Variants in TWIST2 observed in about 807,000 individuals in gnomAD.
The protein encoded by TWIST2 is twist family bHLH transcription factor 2.
TWIST2 carries 1 observed loss-of-function variant against 11.6 expected under a neutral mutation model. The ratio of observed to expected loss-of-function variants is 0.09; its 90% CI spans 0.03 to 0.41. TWIST2 has a LOEUF of 0.41. Among genes scored for constraint, TWIST2 ranks in the 10% least tolerant of loss-of-function variants. TWIST2 has a pLI of 0.98. For missense variants in TWIST2, 168 were observed against 226.4 expected (o/e 0.74, Z 1.66); for synonymous variants, 87 against 96.6 (o/e 0.90, Z 0.58).
chr2:238,896,956 G>A (rs1693214498), intron 1 of TWIST2, among the ~76,000 whole-genome samples: 7 of 152,340 alleles, frequency 4.6e-5, no homozygotes, highest in Non-Finnish European at 5.9e-5. Flanking sequence ...ACCCCAGGGG[G>A]AGGGAGGCGC....
At chr2:238,888,921 A>C (rs34986438) in intron 1 of TWIST2, among the ~76,000 whole-genome samples, 1 of 152,182 alleles carries the variant, frequency 6.6e-6, no homozygotes, top group Admixed American at 6.5e-5. Flanking sequence ...TGACTGTCCA[A>C]TGACTGTCCA....
intron 1 of TWIST2, among the ~76,000 whole-genome samples, chr2:238,869,326 C>A (rs184597315): frequency 1.3e-3 from 202 of 152,250 alleles, no homozygotes; most frequent in African/African-American, 4.4e-3. Context: ...ACTTCCAGGG[C>A]ACAGGCAAGG....
At chr2:238,872,149 C>G (rs906228897) in intron 1 of TWIST2, among the ~76,000 whole-genome samples, 9 of 152,154 alleles carry the variant, frequency 5.9e-5, no homozygotes, top group African/African-American at 1.9e-4. Flanking sequence ...CACAGTGGGT[C>G]CTGCCTGCCC....
At chr2:238,898,452 G>A (rs1030965084) in intron 1 of TWIST2, among the ~76,000 whole-genome samples, 11 of 152,242 alleles carry the variant, frequency 7.2e-5, no homozygotes, top group African/African-American at 2.7e-4. Context: ...CTGGTCCAGG[G>A]ACCAACTGGG....
At chr2:238,870,365 ACCACACACCCCACACACC>A (rs1559273970) in intron 1 of TWIST2, among the ~76,000 whole-genome samples, 33 of 222 alleles carry the variant, frequency 0.15, 2 homozygotes, top group African/African-American at 0.21. Context: ...CCACACACAC[ACCACACACCCCACACACC>A]CCACACACCC....
At chr2:238,881,005 C>T (rs1319964607) in intron 1 of TWIST2, among the ~76,000 whole-genome samples, 1 of 84,346 alleles carries the variant, frequency 1.2e-5, no homozygotes, top group Non-Finnish European at 2.3e-5. Context: ...TATTTATTAG[C>T]ATTAGTGTTA....
At chr2:238,870,419 AAACCACACACCC>A (rs1692648104) in intron 1 of TWIST2, among the ~76,000 whole-genome samples, 3 of 55,908 alleles carry the variant, frequency 5.4e-5, no homozygotes, top group African/African-American at 6.5e-5. Flanking sequence ...TACCACACAC[AAACCACACACCC>A]TACACACACC....
At chr2:238,907,502 G>A (rs1574770257) in intron 1 of TWIST2, among the ~76,000 whole-genome samples, 1 of 152,128 alleles carries the variant, frequency 6.6e-6, no homozygotes, top group African/African-American at 2.4e-5. Flanking sequence ...GGGACAGCTG[G>A]TTGCAGCCCC....
At chr2:238,855,980 C>T (rs909446345) in intron 1 of TWIST2, among the ~76,000 whole-genome samples, 3 of 152,180 alleles carry the variant, frequency 2.0e-5, no homozygotes, top group Admixed American at 6.5e-5. Flanking sequence ...GATATCTGTA[C>T]CCTAAGAATC....
rs912602437 is a variant in TWIST2, at chr2:238,853,823, C to T, written c.*35+5090C>T. ...AAAATAGAGTCATTTTGAACCCAAA[C>T]GGTATCTGACGTGCTTCAGATATCT... On this transcript the variant is annotated intron_variant, in intron 1 of 1. Transcript: ENST00000612363. Among the ~76,000 whole-genome samples, 6 of 152,186 alleles carry T rather than the reference C, an allele frequency of 3.9e-5. No individual in the cohort carries two copies. The South Asian group carries it at 1.0e-3, about 26-fold the overall frequency.
rs1311228966 is a variant in TWIST2, at chr2:238,863,857, A to G, written c.*35+15124A>G. 6.6e-6 allele frequency among the ~76,000 whole-genome samples: 1 copy of G among 152,092 alleles called. No homozygotes were observed. Among genetic ancestry groups the G allele is most frequent in the Admixed American group, 6.5e-5 (1 of 15,270 alleles). On this transcript the variant is annotated intron_variant, in intron 1 of 1. Coordinates refer to ENST00000612363, the MANE Select transcript of TWIST2 (RefSeq NM_001271893.4). This position sits in a 1 kb window ranked among gnomAD's most constrained non-coding sequence, Gnocchi z 4.7. ...CCCTGGCCTTGTATGATGAATGACA[A>G]ATGTGTGGGACTGAGGAGAGGTCGG...
At position 238,848,126 on chromosome 2, in the gene TWIST2, G is replaced by A. The variant is rs1486949018; in HGVS notation, c.-90G>A. On this transcript the variant is annotated 5_prime_UTR_variant, in exon 1 of 2. Transcript: ENST00000612363. ...AAATCAGAGCCTTTCCAGCAACTCCGAGAGCGTGTGCTCGGCGACCGCGGG... is the reference window on the plus strand; with the variant it reads ...AAATCAGAGCCTTTCCAGCAACTCCAAGAGCGTGTGCTCGGCGACCGCGGG... 2.8e-6 allele frequency: 3 copies of A among 1,059,068 alleles called. No individual in the cohort carries two copies. The highest frequency in any genetic ancestry group is 4.8e-5 in the Admixed American group (1 of 20,684). 65.6% of individuals were successfully genotyped at this position (1,059,068 alleles called of 1,614,324 possible). A position where few individuals can be genotyped will look rare whatever the true frequency, so the allele number is the denominator to read the frequency against.
chr2:238,879,517 C>G (rs568717405), intron 1 of TWIST2, among the ~76,000 whole-genome samples: 1 of 152,322 alleles, frequency 6.6e-6, no homozygotes, highest in East Asian at 1.9e-4. Context: ...CTTAGGGTCA[C>G]TTGTGGAGTT....
At chr2:238,903,080 T>G (rs1693297145) in intron 1 of TWIST2, among the ~76,000 whole-genome samples, 4 of 130,468 alleles carry the variant, frequency 3.1e-5, no homozygotes, top group Non-Finnish European at 4.8e-5. Flanking sequence ...GTGTGTGATG[T>G]GGGGTGTGTG....
chr2:238,873,006 G>T (rs141407058), intron 1 of TWIST2, among the ~76,000 whole-genome samples: 1 of 152,072 alleles, frequency 6.6e-6, no homozygotes, highest in South Asian at 2.1e-4. Flanking sequence ...CAGCCAAGGA[G>T]ACAATGGAGG....
At chr2:238,883,934 C>G (rs537375435) in intron 1 of TWIST2, among the ~76,000 whole-genome samples, 1 of 152,154 alleles carries the variant, frequency 6.6e-6, no homozygotes, top group South Asian at 2.1e-4. Context: ...TCGTGAGCCG[C>G]GCTGTGGTTT....
At chr2:238,899,049 C>G (rs1693240027) in intron 1 of TWIST2, among the ~76,000 whole-genome samples, 1 of 152,258 alleles carries the variant, frequency 6.6e-6, no homozygotes, top group Non-Finnish European at 1.5e-5. Flanking sequence ...GGCGTCTGAC[C>G]TGGCACGGCC....
intron 1 of TWIST2, among the ~76,000 whole-genome samples, chr2:238,889,576 A>G (rs1357868564): frequency 6.6e-6 from 1 of 152,324 alleles, no homozygotes; most frequent in East Asian, 1.9e-4. Flanking sequence ...TTTGCGCATG[A>G]TAGATATTTG....
At chr2:238,853,382 GGAGAGAGA>G (rs374173009) in intron 1 of TWIST2, among the ~76,000 whole-genome samples, 1,733 of 139,950 alleles carry the variant, frequency 0.012, 37 homozygotes, top group African/African-American at 0.042. Flanking sequence ...GAGGAGGGAG[GGAGAGAGA>G]GAGAGAGAGA....
Sources: gnomAD v4.1 joint callset for allele counts (sites outside exome capture counted in the v4.1 genomes callset) on GRCh38, gnomAD v4.1.1 for gene constraint, Gnocchi (gnomAD v3.1) non-coding constraint, MANE v1.5 for transcripts, NCBI Gene and HGNC (gene_info 2026-07-23, HGNC 2026-07-21) for gene names.